The following CREB3L1 variants were observed in gnomAD, a reference collection of about 807,000 sequenced individuals.
CREB3L1 encodes the protein cyclic AMP-responsive element-binding protein 3-like protein 1.
A neutral mutation model predicts 54.5 loss-of-function variants in CREB3L1; 33 were observed. That is an observed-to-expected ratio of 0.61 (90% CI 0.46 to 0.81). The LOEUF (loss-of-function observed/expected upper bound fraction) is 0.81, where lower values mean the gene tolerates loss of function less well. CREB3L1 is among the 30% of genes least tolerant of loss of function. CREB3L1 has a pLI of 0.00. For missense variants in CREB3L1, 656 were observed against 673.3 expected (o/e 0.97, Z 0.29); for synonymous variants, 284 against 286.4 (o/e 0.99, Z 0.08).
At position 46,320,396 on chromosome 11, in the gene CREB3L1, G is replaced by T; in HGVS notation, c.1391G>T (p.Arg464Leu). 2 of 1,610,810 alleles carry T rather than the reference G, an allele frequency of 1.2e-6. No individual in the cohort carries two copies. Among genetic ancestry groups the T allele is most frequent in the Non-Finnish European group, 1.7e-6 (2 of 1,178,632 alleles). ...NPGGPAEQRPRDHLQHDHLDS... is the reference protein window; with the variant it reads ...NPGGPAEQRPLDHLQHDHLDS... ...GGGGGGCCGGCAGAGCAGCGGCCCC[G>T]GGACCACCTGCAGCATGATCACCTG... Residue 464 changes from arginine to leucine, a missense_variant, in exon 11 of 12, where the codon CGG (arginine) becomes CTG (leucine). By Grantham distance (102) the Arg-to-Leu change is moderately radical. Transcript: ENST00000621158.
chr11:46,317,819 C>A (rs571178093), intron 10 of CREB3L1, among the ~76,000 whole-genome samples: 1 of 152,312 alleles, frequency 6.6e-6, no homozygotes, highest in South Asian at 2.1e-4. Context: ...GCTTATGGGG[C>A]ATCTGCTAGG....
At chr11:46,291,947 G>A (rs1052551955) in intron 1 of CREB3L1, among the ~76,000 whole-genome samples, 2 of 152,242 alleles carry the variant, frequency 1.3e-5, no homozygotes, top group African/African-American at 4.8e-5. Context: ...GAGGAGAGGG[G>A]AGAGGCCAAG....
intron 3 of CREB3L1, among the ~76,000 whole-genome samples, chr11:46,309,475 C>T (rs1051691934): frequency 5.9e-5 from 9 of 152,236 alleles, no homozygotes; most frequent in African/African-American, 2.2e-4. Flanking sequence ...TTACTTCAAC[C>T]CATTAGGAGC....
intron 1 of CREB3L1, among the ~76,000 whole-genome samples, chr11:46,285,690 G>A (rs1489397985): frequency 2.6e-5 from 4 of 152,122 alleles, no homozygotes; most frequent in African/African-American, 4.8e-5. Flanking sequence ...CTTCACTGCC[G>A]CTTCCTTGGC....
Position 46,278,244 on chromosome 11 carries a change from C to A in CREB3L1, c.102+31C>A. On this transcript the variant is annotated intron_variant, in intron 1 of 11. Transcript: ENST00000621158. The surrounding 1 kb of genome is among the most constrained non-coding windows in gnomAD (Gnocchi z 4.2). Reference sequence around the variant, plus strand: ...ATGAAGGGTCTCCGTTCCCGTTCCACCCCTCGGCACCCGTCCTCGCGGCGC... The same window carrying A: ...ATGAAGGGTCTCCGTTCCCGTTCCAACCCTCGGCACCCGTCCTCGCGGCGC... 7.1e-7 allele frequency: 1 copy of A among 1,408,694 alleles called. No individual in the cohort carries two copies. The highest frequency in any genetic ancestry group is 9.7e-7 in the Non-Finnish European group (1 of 1,027,662). 87.3% of individuals were successfully genotyped at this position (1,408,694 alleles called of 1,614,324 possible). A position where few individuals can be genotyped will look rare whatever the true frequency, so the allele number is the denominator to read the frequency against.
chr11:46,313,074 A>G (rs1939515803), intron 8 of CREB3L1, among the ~76,000 whole-genome samples, 155 bp downstream of exon 8: 2 of 152,034 alleles, frequency 1.3e-5, no homozygotes, highest in Admixed American at 6.6e-5. Flanking sequence ...GGCCACTTAC[A>G]TCCTGCCCCT....
At chr11:46,303,224 C>T (rs1373759350) in intron 2 of CREB3L1, among the ~76,000 whole-genome samples, 1 of 152,186 alleles carries the variant, frequency 6.6e-6, no homozygotes, top group East Asian at 1.9e-4. Flanking sequence ...GTTACTTAAC[C>T]TCTCTAGGCC....
intron 1 of CREB3L1, among the ~76,000 whole-genome samples, chr11:46,288,087 A>G (rs1939081718): frequency 6.6e-6 from 1 of 150,864 alleles, no homozygotes; most frequent in African/African-American, 2.4e-5. Context: ...TTATTTATTT[A>G]TTCATTTATT....
intron 3 of CREB3L1, 118 bp downstream of exon 3, chr11:46,308,118 AG>A: frequency 2.0e-6 from 2 of 986,194 alleles, no homozygotes; most frequent in Non-Finnish European, 2.9e-6. Flanking sequence ...CATGAGCCTC[AG>A]GGCTGAGGGT....
At position 46,307,948 on chromosome 11, in the gene CREB3L1, C is replaced by T. The variant is rs951598006; in HGVS notation, c.464C>T (p.Thr155Ile). The T allele has an allele frequency of 1.9e-5, 30 of 1,566,066 alleles. No homozygotes were observed. Among genetic ancestry groups the T allele is most frequent in the Non-Finnish European group, 2.5e-5 (29 of 1,157,770 alleles). ...ATGGCTGCCGCGGCCGCCATGGCCA[C>T]CACCCCGCTGCTGGGCCTCAGCCCC... is the stretch of plus-strand genomic sequence containing the variant. ...SAMAAAAAMA[T>I]TPLLGLSPLS... The change falls in exon 3 of 12, where the codon ACC becomes ATC. Residue 155 changes from threonine (T) to isoleucine (I), a missense_variant. This residue lies in a region of CREB3L1 where 339 missense variants were observed against 331.5 expected (regional missense o/e 1.02). Coordinates refer to ENST00000621158, the MANE Select transcript of CREB3L1 (RefSeq NM_052854.4).
chr11:46,309,806 A>G (rs1939457582), intron 3 of CREB3L1, among the ~76,000 whole-genome samples, 183 bp from the exon 4 acceptor site: 1 of 152,198 alleles, frequency 6.6e-6, no homozygotes, highest in Non-Finnish European at 1.5e-5. Context: ...CTTAGGTGTG[A>G]CTTGGCTTCT....
chr11:46,292,087 G>C (rs906284975), intron 1 of CREB3L1, among the ~76,000 whole-genome samples: 3 of 152,308 alleles, frequency 2.0e-5, no homozygotes, highest in South Asian at 4.1e-4. Context: ...GACAGGGTCT[G>C]GGGGGACAGC....
chr11:46,287,803 A>C (rs545845253), intron 1 of CREB3L1, among the ~76,000 whole-genome samples: 4 of 151,980 alleles, frequency 2.6e-5, no homozygotes, highest in South Asian at 4.2e-4. Context: ...TGGTGAAACC[A>C]CATCTCTACT....
chr11:46,314,900 G>T (rs1262301085), intron 8 of CREB3L1, among the ~76,000 whole-genome samples: 2 of 151,596 alleles, frequency 1.3e-5, no homozygotes, highest in Admixed American at 1.3e-4. Flanking sequence ...TAGAGACAGG[G>T]TTTCACTATG....
rs1413111265 is a variant in CREB3L1 at position 46,318,382 on chromosome 11, G to A, written c.1258+895G>A. Among the ~76,000 whole-genome samples the A allele has an allele frequency of 2.6e-5, 4 of 152,166 alleles. No homozygotes were observed. In the East Asian group the frequency reaches 5.8e-4, roughly 22 times the overall value. Reference sequence around the variant, plus strand: ...TAAACGTACAGTGGTTAGGAGCATGGGGATGTCAAGTCCATCGTAACTGGC... The same window carrying A: ...TAAACGTACAGTGGTTAGGAGCATGAGGATGTCAAGTCCATCGTAACTGGC... On this transcript the variant is annotated intron_variant, in intron 10 of 11. Coordinates refer to ENST00000621158, the MANE Select transcript of CREB3L1 (RefSeq NM_052854.4).
chr11:46,297,098 C>A (rs1939221462), intron 1 of CREB3L1, among the ~76,000 whole-genome samples: 1 of 152,218 alleles, frequency 6.6e-6, no homozygotes, highest in African/African-American at 2.4e-5. Flanking sequence ...GCTCACAGCC[C>A]CCTCCCACTG....
At chr11:46,316,412 C>A in intron 9 of CREB3L1, 27 bp downstream of exon 9, 1 of 1,406,770 alleles carries the variant, frequency 7.1e-7, no homozygotes, top group Non-Finnish European at 9.9e-7. Context: ...CCACCACAGA[C>A]CCACAGGAGG....
chr11:46,308,530 A>G (rs1375651438), intron 3 of CREB3L1, among the ~76,000 whole-genome samples: 3 of 152,102 alleles, frequency 2.0e-5, no homozygotes, highest in Admixed American at 2.0e-4. Flanking sequence ...GGGAATGTGA[A>G]CCCCAGACCC....
At chr11:46,314,248 AAAAAG>A (rs1939533688) in intron 8 of CREB3L1, among the ~76,000 whole-genome samples, 2 of 151,918 alleles carry the variant, frequency 1.3e-5, no homozygotes, top group African/African-American at 4.8e-5. Flanking sequence ...AAAAAAAAAA[AAAAAG>A]AAAGAAAAGA....
Sources: allele counts gnomAD v4.1 joint callset (sites outside exome capture counted in the v4.1 genomes callset), GRCh38; gene constraint gnomAD v4.1.1; regional missense constraint gnomAD v4.1.1; non-coding constraint Gnocchi (gnomAD v3.1); transcripts MANE v1.5; gene names NCBI Gene and HGNC (gene_info 2026-07-23, HGNC 2026-07-21).